Variants in SYT2 observed in about 807,000 individuals in gnomAD.
SYT2 encodes synaptotagmin-2.
Under a neutral mutation model 39.9 loss-of-function variants are expected in SYT2, and 15 were observed. The observed-to-expected ratio is 0.38, with a 90% CI of 0.25 to 0.58. SYT2 has a LOEUF of 0.58. SYT2 is among the 20% of genes least tolerant of loss of function. SYT2 has a pLI of 0.70. For synonymous variants in SYT2, 181 were observed against 204.5 expected, an observed-to-expected ratio of 0.89 and a Z score of 0.98; for missense variants, 389 against 530.3, an observed-to-expected ratio of 0.73 and a Z score of 2.62.
Position 202,605,582 on chromosome 1 carries a change from CAG to C in SYT2, c.178+11_178+12del. ...AGCCTTGCCCCACCCTCTCAGCCAC[CAG>C]AGACACTCACAGGGAATCTTGTTTA... On this transcript the variant is annotated intron_variant, in intron 2 of 8. Transcript: ENST00000367268. 1 of 1,611,166 alleles carries C rather than the reference CAG, an allele frequency of 6.2e-7. No individual in the cohort carries two copies. Among genetic ancestry groups the C allele is most frequent in the Non-Finnish European group, 8.5e-7 (1 of 1,177,458 alleles).
intron 1 of SYT2, among the ~76,000 whole-genome samples, chr1:202,673,705 C>T (rs1046487728): frequency 2.0e-5 from 3 of 152,222 alleles, no homozygotes; most frequent in Non-Finnish European, 4.4e-5. Flanking sequence ...GCCGGCACAC[C>T]CCTTGCAGAT....
chr1:202,659,775 C>T (rs575935696), intron 1 of SYT2, among the ~76,000 whole-genome samples: 3 of 152,238 alleles, frequency 2.0e-5, no homozygotes, highest in African/African-American at 4.8e-5. Context: ...AGGGCATAGC[C>T]GAGCCAATCT....
intron 1 of SYT2, among the ~76,000 whole-genome samples, chr1:202,695,744 C>A (rs1300821519): frequency 6.6e-6 from 1 of 152,182 alleles, no homozygotes; most frequent in Non-Finnish European, 1.5e-5. Context: ...AGGAAGAGAC[C>A]TTGTAAGGTC....
intron 1 of SYT2, among the ~76,000 whole-genome samples, chr1:202,676,325 T>C (rs1384639945): frequency 6.6e-6 from 1 of 152,164 alleles, no homozygotes; most frequent in East Asian, 1.9e-4. Flanking sequence ...GGGCAGAGAA[T>C]CCTTCCCAAA....
chr1:202,626,325 A>G (rs1027337565), intron 1 of SYT2, among the ~76,000 whole-genome samples: 2 of 151,298 alleles, frequency 1.3e-5, no homozygotes, highest in African/African-American at 4.9e-5. Flanking sequence ...AGAGGCATCA[A>G]GAGACCTGGT....
At chr1:202,632,119 A>G (rs1447603973) in intron 1 of SYT2, 1 of 977,268 alleles carries the variant, frequency 1.0e-6, no homozygotes, top group Non-Finnish European at 1.2e-6. Context: ...AGAAGGAGCC[A>G]GCTCCCCAGG....
chr1:202,624,603 GGTGT>G (rs1350324134), intron 1 of SYT2, among the ~76,000 whole-genome samples: 12 of 147,690 alleles, frequency 8.1e-5, no homozygotes, highest in African/African-American at 3.0e-4. Context: ...GTATCTGTGT[GGTGT>G]GTGTGGTGTC....
At position 202,650,316 on chromosome 1, in the gene SYT2, G is replaced by A. The variant is rs191649854; in HGVS notation, c.-17-44527C>T. Among the ~76,000 whole-genome samples the A allele has an allele frequency of 1.9e-3, 285 of 152,312 alleles. 3 individuals are homozygous for A. Among genetic ancestry groups the A allele is most frequent in the Non-Finnish European group, 2.4e-3 (162 of 68,028 alleles). ...CCCAGAAAGGGTCATGTGCTTGCAC[G>A]CAGTGACACTTCCATTGCCACCTAC... On this transcript the variant is annotated intron_variant, in intron 1 of 8. Transcript: ENST00000367268.
chr1:202,627,158 C>G (rs1157689603), intron 1 of SYT2, among the ~76,000 whole-genome samples: 1 of 152,252 alleles, frequency 6.6e-6, no homozygotes, highest in Admixed American at 6.5e-5. Flanking sequence ...CCAGAATTCT[C>G]TTCCCTGGCT....
chr1:202,645,232 G>C (rs533131444), intron 1 of SYT2, among the ~76,000 whole-genome samples: 1 of 152,142 alleles, frequency 6.6e-6, no homozygotes, highest in Non-Finnish European at 1.5e-5. Flanking sequence ...CTACACTCCC[G>C]TAACCTACCC....
chr1:202,709,003 G>A (rs931885463), intron 1 of SYT2, among the ~76,000 whole-genome samples: 2 of 152,236 alleles, frequency 1.3e-5, no homozygotes, highest in Non-Finnish European at 2.9e-5. Flanking sequence ...CCACCTGGGA[G>A]AGGCCCCGCA....
At chr1:202,658,368 C>G (rs1462384164) in intron 1 of SYT2, among the ~76,000 whole-genome samples, 1 of 152,144 alleles carries the variant, frequency 6.6e-6, no homozygotes, top group Non-Finnish European at 1.5e-5. Context: ...GAGCCACAGA[C>G]CAGGAAGCCA....
At chr1:202,624,571 T>C (rs1466948446) in intron 1 of SYT2, among the ~76,000 whole-genome samples, 1 of 103,974 alleles carries the variant, frequency 9.6e-6, no homozygotes, top group Non-Finnish European at 1.9e-5. Flanking sequence ...TTTAGTAGTG[T>C]GTGTGGTGTG....
At chr1:202,640,952 C>G (rs996298470) in intron 1 of SYT2, among the ~76,000 whole-genome samples, 1 of 152,270 alleles carries the variant, frequency 6.6e-6, no homozygotes, top group Non-Finnish European at 1.5e-5. Context: ...CTGCTTGCTA[C>G]GCAGCTTGTA....
At chr1:202,663,690 G>A (rs1178047980) in intron 1 of SYT2, among the ~76,000 whole-genome samples, 5 of 152,134 alleles carry the variant, frequency 3.3e-5, no homozygotes, top group Non-Finnish European at 7.3e-5. Flanking sequence ...TTCTTCTGGA[G>A]TATTTTAAAG....
chr1:202,627,921 AG>A (rs1466664177), intron 1 of SYT2, among the ~76,000 whole-genome samples: 1 of 152,088 alleles, frequency 6.6e-6, no homozygotes, highest in Non-Finnish European at 1.5e-5. Flanking sequence ...GAGACAACTA[AG>A]GCTCTGAGAT....
intron 1 of SYT2, among the ~76,000 whole-genome samples, chr1:202,612,408 C>G (rs1320998381): frequency 6.6e-6 from 1 of 152,182 alleles, no homozygotes; most frequent in Non-Finnish European, 1.5e-5. Flanking sequence ...CACTCTGTCA[C>G]CCAGGCTGGA....
intron 1 of SYT2, among the ~76,000 whole-genome samples, chr1:202,697,122 A>G (rs1360286714): frequency 6.6e-6 from 1 of 152,246 alleles, no homozygotes; most frequent in African/African-American, 2.4e-5. Context: ...TTAGCTCCTA[A>G]CGGCAGATGG....
At chr1:202,675,743 C>T (rs114216225) in intron 1 of SYT2, among the ~76,000 whole-genome samples, 45 of 152,144 alleles carry the variant, frequency 3.0e-4, no homozygotes, top group South Asian at 8.3e-4. Flanking sequence ...TTCCTCTAAC[C>T]GGTCCAAGCA....
Sources: allele counts gnomAD v4.1 joint callset (sites outside exome capture counted in the v4.1 genomes callset), GRCh38; gene constraint gnomAD v4.1.1; transcripts MANE v1.5; gene names NCBI Gene and HGNC (gene_info 2026-07-23, HGNC 2026-07-21).